The following HDAC3 variants were observed in gnomAD, a reference collection of about 807,000 sequenced individuals.
The protein encoded by HDAC3 is SMAP45.
A neutral mutation model predicts 62.3 loss-of-function variants in HDAC3; 21 were observed. That is an observed-to-expected ratio of 0.34 (90% confidence interval 0.24 to 0.49). The LOEUF (loss-of-function observed/expected upper bound fraction) is 0.49, where lower values mean the gene tolerates loss of function less well. HDAC3 is among the 20% of genes least tolerant of loss of function. The pLI is 0.99. For synonymous variants in HDAC3, 198 were observed against 206.5 expected (o/e 0.96, Z 0.35); for missense variants, 270 against 556.9 (o/e 0.48, Z 5.19).
Position 141,625,384 on chromosome 5 carries a change from TAC to T in HDAC3, c.1060-21_1060-20del. On this transcript the variant is annotated intron_variant, in intron 13 of 14. Coordinates refer to ENST00000305264, the MANE Select transcript of HDAC3 (RefSeq NM_003883.4). This position sits in a 1 kb window ranked among gnomAD's most constrained non-coding sequence, Gnocchi z 4.0. ...CCAGATACTGGTTGGAAATGAGGAA[TAC>T]AGAGTGAGCAGTTTCCAGAGATTCC... 1 of 1,613,472 alleles carries T rather than the reference TAC, an allele frequency of 6.2e-7. No individual in the cohort carries two copies. Among genetic ancestry groups the T allele is most frequent in the Non-Finnish European group, 8.5e-7 (1 of 1,179,694 alleles).
chr5:141,636,387 C>G (rs894394989), intron 2 of HDAC3, 161 bp downstream of exon 2: 7 of 669,040 alleles, frequency 1.0e-5, no homozygotes, highest in Non-Finnish European at 1.9e-5. Context: ...GAGGACGCCA[C>G]CCCCAACACC....
At chr5:141,631,732 A>G (rs2099905249) in intron 3 of HDAC3, among the ~76,000 whole-genome samples, 1 of 152,218 alleles carries the variant, frequency 6.6e-6, no homozygotes, top group Non-Finnish European at 1.5e-5. Context: ...GAGGTTGTAC[A>G]AACTGTTTAA....
chr5:141,628,303 A>C lies in HDAC3; in HGVS notation c.692-116T>G. On this transcript the variant is annotated intron_variant, in intron 8 of 14. Transcript: ENST00000305264. The surrounding 1 kb of genome is among the most constrained non-coding windows in gnomAD (Gnocchi z 4.7). ...CCCAGGAAAGGGGCCACCCAAAAGA[A>C]TCAAATCACTGGTCTGAAACTTCTG... The C allele has an allele frequency of 1.1e-6, 1 of 870,484 alleles. No homozygotes were observed. The highest frequency in any genetic ancestry group is 1.9e-6 in the Non-Finnish European group (1 of 534,012). The allele number at this position is 870,484 out of a possible 1,614,324, so 53.9% of individuals were successfully genotyped here. A position where few individuals can be genotyped will look rare whatever the true frequency, so the allele number is the denominator to read the frequency against.
rs1396633395 is a variant in HDAC3 at position 141,625,287 on chromosome 5, C to A, written c.1138G>T (p.Val380Leu). 1 of 1,614,146 alleles carries A rather than the reference C, an allele frequency of 6.2e-7. No individual in the cohort carries two copies. Among genetic ancestry groups the A allele is most frequent in the East Asian group, 2.2e-5 (1 of 44,884 alleles). The change falls in exon 14 of 15, where the codon GTG (valine) becomes TTG (leucine). Residue 380 changes from valine (V) to leucine (L), a missense_variant. Val to Leu is a conservative substitution (Grantham distance 32, BLOSUM62 1). This residue lies in a region of HDAC3 where 44 missense variants were observed against 64.3 expected (regional missense o/e 0.68). Coordinates refer to ENST00000305264, the MANE Select transcript of HDAC3 (RefSeq NM_003883.4). This position sits in a 1 kb window ranked among gnomAD's most constrained non-coding sequence, Gnocchi z 4.0. ...NHAPSVQIHDVPADLLTYDRT... is the reference protein window; with the variant it reads ...NHAPSVQIHDLPADLLTYDRT... ...TCATAGGTCAGGAGGTCTGCAGGCA[C>A]GTCATGAATCTGGACACTAGGTGCA...
At chr5:141,634,242 A>G (rs1441260217) in intron 3 of HDAC3, among the ~76,000 whole-genome samples, 2 of 152,152 alleles carry the variant, frequency 1.3e-5, no homozygotes, top group African/African-American at 4.8e-5. Flanking sequence ...ACCCCAATTC[A>G]TAATAGAGCT....
At chr5:141,624,613 T>C (rs2099904197) in intron 14 of HDAC3, among the ~76,000 whole-genome samples, 1 of 150,646 alleles carries the variant, frequency 6.6e-6, no homozygotes, top group African/African-American at 2.4e-5. Flanking sequence ...GCAGCAACCA[T>C]TCTACTATCT....
Position 141,628,650 on chromosome 5 carries a change from G to C in HDAC3, c.611-11C>G. The C allele has an allele frequency of 6.2e-7, 1 of 1,611,228 alleles. No homozygotes were observed. Among genetic ancestry groups the C allele is most frequent in the Non-Finnish European group, 8.5e-7 (1 of 1,177,844 alleles). On this transcript the variant is annotated splice_polypyrimidine_tract_variant and intron_variant, in intron 7 of 14. Transcript: ENST00000305264. This position sits in a 1 kb window ranked among gnomAD's most constrained non-coding sequence, Gnocchi z 4.7. ...CTTCATACATGTCACCTGTAGGGAAGTGGGTGGTGGTAGCCACACATGGGA... is the reference window on the plus strand; with the variant it reads ...CTTCATACATGTCACCTGTAGGGAACTGGGTGGTGGTAGCCACACATGGGA...
At position 141,629,308 on chromosome 5, in the gene HDAC3, T is replaced by C; in HGVS notation, c.477-2A>G. The C allele has an allele frequency of 6.2e-7, 1 of 1,614,132 alleles. No homozygotes were observed. Among genetic ancestry groups the C allele is most frequent in the Non-Finnish European group, 8.5e-7 (1 of 1,180,006 alleles). ...ATGTAGAGCACCCGAGGGTGGTACCTAGAGGGAAGCCAAAGCCAGGGTCTG... is the reference window on the plus strand; with the variant it reads ...ATGTAGAGCACCCGAGGGTGGTACCCAGAGGGAAGCCAAAGCCAGGGTCTG... On this transcript the variant is annotated splice_acceptor_variant, in intron 6 of 14. Transcript: ENST00000305264. LOFTEE classifies it high-confidence loss of function. The surrounding 1 kb of genome is among the most constrained non-coding windows in gnomAD (Gnocchi z 5.3).
chr5:141,632,702 G>A (rs947912811), intron 3 of HDAC3, among the ~76,000 whole-genome samples: 3 of 152,216 alleles, frequency 2.0e-5, no homozygotes, highest in African/African-American at 7.2e-5. Flanking sequence ...AGTGCAGTGT[G>A]TGCAAGACAG....
At chr5:141,632,648 C>T (rs2099905390) in intron 3 of HDAC3, among the ~76,000 whole-genome samples, 1 of 152,160 alleles carries the variant, frequency 6.6e-6, no homozygotes, top group African/African-American at 2.4e-5. Flanking sequence ...AACAAAAAAA[C>T]AAGAAACCTC....
chr5:141,636,056 G>A (rs971881987), intron 2 of HDAC3: 3 of 157,418 alleles, frequency 1.9e-5, no homozygotes, highest in African/African-American at 7.2e-5. Flanking sequence ...CTAAAATATC[G>A]CCTCTGTTCC....
chr5:141,628,119 G>C lies in HDAC3; in HGVS notation c.760C>G (p.Leu254Val), dbSNP rs200157804. 6.3e-5 allele frequency: 101 copies of C among 1,613,932 alleles called. No individual in the cohort carries two copies. Among genetic ancestry groups the C allele is most frequent in the Non-Finnish European group, 1.3e-5 (15 of 1,179,806 alleles). ...VDFYQPTCIV[L>V]QCGADSLGCD... ...GGAGGAACTGACAGTATTACCTGGA[G>C]CACAATGCACGTGGGTTGGTAGAAG... Residue 254 changes from leucine to valine, a missense_variant, in exon 9 of 15, where the codon CTC (leucine) becomes GTC (valine). Leu to Val is a conservative substitution (Grantham distance 32). This residue lies in a region of HDAC3 where 156 missense variants were observed against 383.9 expected (regional missense o/e 0.41). Coordinates refer to ENST00000305264, the MANE Select transcript of HDAC3 (RefSeq NM_003883.4). This position sits in a 1 kb window ranked among gnomAD's most constrained non-coding sequence, Gnocchi z 4.7.
At chr5:141,634,245 A>G (rs943845590) in intron 3 of HDAC3, among the ~76,000 whole-genome samples, 10 of 152,158 alleles carry the variant, frequency 6.6e-5, no homozygotes, top group Non-Finnish European at 1.5e-4. Context: ...CCAATTCATA[A>G]TAGAGCTGTT....
In HDAC3 at chr5:141,626,294, G is replaced by A; in HGVS notation, c.831-11C>T. 6.2e-7 allele frequency: 1 copy of A among 1,607,582 alleles called. No individual in the cohort carries two copies. Among genetic ancestry groups the A allele is most frequent in the South Asian group, 1.1e-5 (1 of 90,924 alleles). On this transcript the variant is annotated splice_polypyrimidine_tract_variant and intron_variant, in intron 10 of 14. Coordinates refer to ENST00000305264, the MANE Select transcript of HDAC3 (RefSeq NM_003883.4). This position sits in a 1 kb window ranked among gnomAD's most constrained non-coding sequence, Gnocchi z 4.6. ...TATTCAACGCATTCCCTGTTAAAAG[G>A]AACCAGAGGAAGATGTGGAGGAGGT...
At position 141,629,124 on chromosome 5, in the gene HDAC3, A is replaced by G; in HGVS notation, c.610+49T>C. ...AGAAGGCTGAGAAGGAGGCACTCAT[A>G]GTAAAGAGCTGAAGGGTGCAAAGGG... On this transcript the variant is annotated intron_variant, in intron 7 of 14. Coordinates refer to ENST00000305264, the MANE Select transcript of HDAC3 (RefSeq NM_003883.4). The surrounding 1 kb of genome is among the most constrained non-coding windows in gnomAD (Gnocchi z 5.3). 6.3e-7 allele frequency: 1 copy of G among 1,599,366 alleles called. No individual in the cohort carries two copies. Among genetic ancestry groups the G allele is most frequent in the Non-Finnish European group, 8.5e-7 (1 of 1,169,780 alleles).
Position 141,626,970 on chromosome 5 carries a change from T to G in HDAC3, c.831-687A>C, listed in dbSNP as rs975370515. Among the ~76,000 whole-genome samples, 1 of 152,016 alleles carries G rather than the reference T, an allele frequency of 6.6e-6. No individual in the cohort carries two copies. The highest frequency in any genetic ancestry group is 2.4e-5 in the African/African-American group (1 of 41,396). ...CTATTCAGCAGTCAGAATTGTCACT[T>G]TCAAACACAAATTGGATCATGTCAC... On this transcript the variant is annotated intron_variant, in intron 10 of 14. Coordinates refer to ENST00000305264, the MANE Select transcript of HDAC3 (RefSeq NM_003883.4). This position sits in a 1 kb window ranked among gnomAD's most constrained non-coding sequence, Gnocchi z 4.6.
rs568981285 is a variant in HDAC3, at chr5:141,636,824, G to T, written c.-34C>A. 3 of 1,476,732 alleles carry T rather than the reference G, an allele frequency of 2.0e-6. No individual in the cohort carries two copies. Among genetic ancestry groups the T allele is most frequent in the East Asian group, 2.6e-5 (1 of 38,892 alleles). 91.5% of individuals were successfully genotyped at this position (1,476,732 alleles called of 1,614,324 possible). ...CGGGAGCAGGCCCCGCACCTCCGCC[G>T]CCCGCCGCCCGCGGCCGCCGCCAGC... is the stretch of plus-strand genomic sequence containing the variant. On this transcript the variant is annotated 5_prime_UTR_variant, in exon 1 of 15. Transcript: ENST00000305264.
At chr5:141,633,550 G>C (rs916726833) in intron 3 of HDAC3, among the ~76,000 whole-genome samples, 67 of 152,270 alleles carry the variant, frequency 4.4e-4, no homozygotes, top group Non-Finnish European at 8.8e-5. Flanking sequence ...GCTCAGCTGG[G>C]TGCGATGGCT....
At chr5:141,635,530 G>C (rs924818279) in intron 2 of HDAC3, among the ~76,000 whole-genome samples, 2 of 152,210 alleles carry the variant, frequency 1.3e-5, no homozygotes, top group South Asian at 4.1e-4. Context: ...CAGTCCATTT[G>C]TCTGTGCCTT....
Sources: allele counts gnomAD v4.1 joint callset (sites outside exome capture counted in the v4.1 genomes callset), GRCh38; gene constraint gnomAD v4.1.1; regional missense constraint gnomAD v4.1.1; non-coding constraint Gnocchi (gnomAD v3.1); transcripts MANE v1.5; gene names NCBI Gene and HGNC (gene_info 2026-07-23, HGNC 2026-07-21).